AUTS2: variants seen among roughly 807,000 people sequenced by gnomAD.
The protein encoded by AUTS2 is activator of transcription and developmental regulator AUTS2.
In AUTS2, 17 loss-of-function variants were observed where a neutral mutation model predicts 112.4. The ratio of observed to expected loss-of-function variants is 0.15; its 90% CI spans 0.10 to 0.23. The LOEUF is 0.23. Among genes scored for constraint, AUTS2 ranks in the 10% least tolerant of loss-of-function variants. AUTS2 has a pLI of 1.00. For synonymous variants in AUTS2, 751 were observed against 702.7 expected (o/e 1.07, Z -1.09); for missense variants, 1,510 against 1,701.6 (o/e 0.89, Z 1.98).
chr7:70,546,505 G>A (rs1412065561), intron 5 of AUTS2, among the ~76,000 whole-genome samples: 2 of 152,012 alleles, frequency 1.3e-5, no homozygotes, highest in East Asian at 1.9e-4. Context: ...AGGGCCAGGC[G>A]TGGTAGCTCA....
At chr7:70,490,282 A>G (rs1798180573) in intron 5 of AUTS2, among the ~76,000 whole-genome samples, 1 of 152,068 alleles carries the variant, frequency 6.6e-6, no homozygotes, top group Admixed American at 6.6e-5. Context: ...AATGAACGAG[A>G]AACAAATAAT....
intron 4 of AUTS2, among the ~76,000 whole-genome samples, chr7:70,144,273 T>C (rs1807010457): frequency 1.3e-5 from 2 of 152,270 alleles, no homozygotes; most frequent in South Asian, 2.1e-4. Flanking sequence ...GCGAAGTTAA[T>C]ATCTCAACCC....
chr7:70,404,453 G>A (rs1012845743), intron 4 of AUTS2, among the ~76,000 whole-genome samples: 38 of 152,122 alleles, frequency 2.5e-4, no homozygotes, highest in African/African-American at 9.2e-4. Context: ...TGTCCACTCC[G>A]TCTCCTCCAT....
chr7:70,791,496 A>ACTT lies in AUTS2; in HGVS notation c.*504_*506dup, dbSNP rs1791960629. On this transcript the variant is annotated 3_prime_UTR_variant, in exon 19 of 19. Transcript: ENST00000342771. Reference sequence around the variant, plus strand: ...AGATAAAGTAACATAATACATTAATACTTCTTAAAATGTGCTATTTGCAAA... The same window carrying ACTT: ...AGATAAAGTAACATAATACATTAATACTTCTTCTTAAAATGTGCTATTTGCAAA... The ACTT allele has an allele frequency of 6.5e-6, 1 of 152,854 alleles. No individual in the cohort carries two copies. Among genetic ancestry groups the ACTT allele is most frequent in the South Asian group, 2.1e-4 (1 of 4,822 alleles). The allele number at this position is 152,854 out of a possible 1,614,324, so 9.5% of individuals were successfully genotyped here.
chr7:70,164,031 A>C lies in AUTS2; in HGVS notation c.660+29460A>C, dbSNP rs149460088. Among the ~76,000 whole-genome samples, 151 of 152,340 alleles carry C rather than the reference A, an allele frequency of 9.9e-4. 1 individual carries two copies. The East Asian group carries it at 0.011, about 11-fold the overall frequency. ...TGGGAAGAAACGCAGACACCCTGCAATGCTTATGTGCAGGTCCTACTTAGG... is the reference window on the plus strand; with the variant it reads ...TGGGAAGAAACGCAGACACCCTGCACTGCTTATGTGCAGGTCCTACTTAGG... On this transcript the variant is annotated intron_variant, in intron 4 of 18. Coordinates refer to ENST00000342771, the MANE Select transcript of AUTS2 (RefSeq NM_015570.4).
chr7:70,144,353 C>T (rs186278079), intron 4 of AUTS2, among the ~76,000 whole-genome samples: 26 of 152,150 alleles, frequency 1.7e-4, no homozygotes, highest in African/African-American at 6.0e-4. Flanking sequence ...AATAACTTTG[C>T]AATAGAACTA....
intron 1 of AUTS2, among the ~76,000 whole-genome samples, chr7:69,770,628 A>G (rs757604411): frequency 2.0e-4 from 30 of 152,090 alleles, no homozygotes; most frequent in African/African-American, 6.8e-4. Context: ...CTACATCACA[A>G]CTTTGCAGAG....
chr7:69,706,040 C>T (rs1798050563), intron 1 of AUTS2, among the ~76,000 whole-genome samples: 1 of 152,198 alleles, frequency 6.6e-6, no homozygotes, highest in Non-Finnish European at 1.5e-5. Context: ...CTTCAACCTA[C>T]AAATTTTGAG....
chr7:69,858,001 G>A (rs1792810502), intron 1 of AUTS2, among the ~76,000 whole-genome samples: 1 of 152,132 alleles, frequency 6.6e-6, no homozygotes, highest in African/African-American at 2.4e-5. Flanking sequence ...CTTGGGCATT[G>A]TCTTATTGCC....
intron 11 of AUTS2, 50 bp downstream of exon 11, chr7:70,771,694 C>G: frequency 6.5e-7 from 1 of 1,541,864 alleles, no homozygotes; most frequent in South Asian, 1.1e-5. Flanking sequence ...AAGTGGCGTC[C>G]CGGGCCAGGC....
At chr7:70,437,207 G>A (rs952201250) in intron 5 of AUTS2, 2 of 152,256 alleles carry the variant, frequency 1.3e-5, no homozygotes, top group African/African-American at 4.8e-5. Flanking sequence ...TTATTCTTTT[G>A]TTTAACTGAC....
intron 4 of AUTS2, among the ~76,000 whole-genome samples, chr7:70,304,717 CTTT>C (rs11464532): frequency 9.9e-6 from 1 of 101,318 alleles, no homozygotes; most frequent in Non-Finnish European, 1.9e-5. Context: ...GGATTTTTAA[CTTT>C]TTTTTTTTTT....
chr7:70,144,129 T>C (rs1807002058), intron 4 of AUTS2, among the ~76,000 whole-genome samples: 1 of 152,054 alleles, frequency 6.6e-6, no homozygotes, highest in Non-Finnish European at 1.5e-5. Flanking sequence ...TTTCCATTTT[T>C]AGTCCCCAAA....
At chr7:70,777,519 A>C (rs986288577) in intron 14 of AUTS2, among the ~76,000 whole-genome samples, 28 of 151,834 alleles carry the variant, frequency 1.8e-4, no homozygotes, top group African/African-American at 6.0e-4. Flanking sequence ...GTTTTTGTAG[A>C]GATAGATAGG....
Position 70,713,894 on chromosome 7 carries a change from TC to T in AUTS2, c.742+15275del, listed in dbSNP as rs1392103842. On this transcript the variant is annotated intron_variant, in intron 6 of 18. Transcript: ENST00000342771. ...CTGGGCGACAGAACAAGACTCCGTC[TC>T]AAAAAAAAAAAAAAGATACAGCTTG... 2.3e-3 allele frequency among the ~76,000 whole-genome samples: 139 copies of T among 59,274 alleles called. 1 individual carries two copies. The highest frequency in any genetic ancestry group is 6.8e-3 in the African/African-American group (133 of 19,448). The allele number at this position is 59,274 out of a possible 152,430, so 38.9% of individuals were successfully genotyped here.
intron 2 of AUTS2, among the ~76,000 whole-genome samples, chr7:70,044,704 A>C (rs930627481): frequency 3.9e-5 from 6 of 152,216 alleles, no homozygotes; most frequent in Non-Finnish European, 4.4e-5. Context: ...AGCCTCCGCC[A>C]CCATCACAGA....
chr7:70,583,710 G>A (rs745882757), intron 5 of AUTS2, among the ~76,000 whole-genome samples: 14 of 152,198 alleles, frequency 9.2e-5, no homozygotes, highest in South Asian at 2.1e-4. Flanking sequence ...GCTGAAACCC[G>A]CACCGCACGG....
At position 70,139,551 on chromosome 7, in the gene AUTS2, T is replaced by A. The variant is rs191198300; in HGVS notation, c.660+4980T>A. Among the ~76,000 whole-genome samples the A allele has an allele frequency of 9.2e-5, 14 of 152,358 alleles. No individual in the cohort carries two copies. In the East Asian group the frequency reaches 2.7e-3, roughly 29 times the overall value. On this transcript the variant is annotated intron_variant, in intron 4 of 18. Transcript: ENST00000342771. Reference sequence around the variant, plus strand: ...AAATGCCACCATGCCCAGCCACTTTTAAATATTTCTGACACATTGTATTCA... The same window carrying A: ...AAATGCCACCATGCCCAGCCACTTTAAAATATTTCTGACACATTGTATTCA...
chr7:69,936,557 G>A (rs1188754762), intron 2 of AUTS2, among the ~76,000 whole-genome samples: 5 of 152,112 alleles, frequency 3.3e-5, no homozygotes, highest in African/African-American at 7.2e-5. Context: ...CACCCTGTTA[G>A]CCAGGATGGT....
Sources: gnomAD v4.1 joint callset for allele counts (sites outside exome capture counted in the v4.1 genomes callset) on GRCh38, gnomAD v4.1.1 for gene constraint, MANE v1.5 for transcripts, NCBI Gene and HGNC (gene_info 2026-07-23, HGNC 2026-07-21) for gene names.